CACNA2D3: variants seen among roughly 807,000 people sequenced by gnomAD.
CACNA2D3 encodes calcium voltage-gated channel auxiliary subunit alpha2delta 3.
CACNA2D3 carries 60 observed loss-of-function variants against 160.6 expected under a neutral mutation model. That is an observed-to-expected ratio of 0.37 (90% CI 0.30 to 0.46). The LOEUF (loss-of-function observed/expected upper bound fraction) is 0.46. CACNA2D3 is among the 20% of genes least tolerant of loss of function. The pLI is 1.00. For missense variants in CACNA2D3, 1,205 were observed against 1,365.0 expected, an observed-to-expected ratio of 0.88 and a Z score of 1.85; for synonymous variants, 558 against 492.9, an observed-to-expected ratio of 1.13 and a Z score of -1.75.
intron 11 of CACNA2D3, among the ~76,000 whole-genome samples, chr3:54,673,062 GGA>G (rs1304506184): frequency 6.6e-6 from 1 of 152,232 alleles, no homozygotes; most frequent in Non-Finnish European, 1.5e-5. Flanking sequence ...ATGGGCTTAG[GGA>G]GAGAGAGCTG....
chr3:54,123,382 C>G, intron 1 of CACNA2D3, 131 bp from the exon 2 acceptor site: 7 of 676,998 alleles, frequency 1.0e-5, no homozygotes, highest in East Asian at 2.8e-5. Context: ...CTTTTTCTAT[C>G]TTTTCTTCTT....
chr3:54,248,306 C>T (rs1377652015), intron 2 of CACNA2D3, among the ~76,000 whole-genome samples: 4 of 151,986 alleles, frequency 2.6e-5, no homozygotes, highest in Admixed American at 2.0e-4. Context: ...CATAGTGAAA[C>T]CCCGTCCCTA....
chr3:54,511,724 A>G (rs1381867943), intron 5 of CACNA2D3, among the ~76,000 whole-genome samples: 2 of 152,192 alleles, frequency 1.3e-5, no homozygotes, highest in Non-Finnish European at 1.5e-5. Flanking sequence ...GAGAGCAGGA[A>G]TGGTTACTAA....
At chr3:54,516,960 T>C (rs1409083203) in intron 5 of CACNA2D3, among the ~76,000 whole-genome samples, 3 of 151,970 alleles carry the variant, frequency 2.0e-5, no homozygotes, top group Non-Finnish European at 4.4e-5. Flanking sequence ...CCAGCACTAG[T>C]GAGATAGTGG....
At chr3:55,012,102 C>T (rs916416515) in intron 34 of CACNA2D3, among the ~76,000 whole-genome samples, 1 of 152,106 alleles carries the variant, frequency 6.6e-6, no homozygotes, top group African/African-American at 2.4e-5. Context: ...GTTAGGCACC[C>T]TGGGTAGCCT....
chr3:54,148,779 C>A (rs553738735), intron 2 of CACNA2D3, among the ~76,000 whole-genome samples: 6 of 151,914 alleles, frequency 3.9e-5, no homozygotes, highest in Non-Finnish European at 7.4e-5. Flanking sequence ...GAGTTTGAGA[C>A]CAGCCTGACC....
At chr3:54,233,486 C>T (rs186008706) in intron 2 of CACNA2D3, among the ~76,000 whole-genome samples, 17 of 152,282 alleles carry the variant, frequency 1.1e-4, no homozygotes, top group Non-Finnish European at 2.1e-4. Context: ...TGGATGCGTC[C>T]GAGCATATAT....
intron 2 of CACNA2D3, among the ~76,000 whole-genome samples, chr3:54,223,929 G>C (rs967080365): frequency 6.6e-6 from 1 of 151,180 alleles, no homozygotes; most frequent in Non-Finnish European, 1.5e-5. Flanking sequence ...CTTCTTAAAA[G>C]CTTAAATATT....
chr3:54,265,538 G>A (rs1195628178), intron 2 of CACNA2D3, among the ~76,000 whole-genome samples: 1 of 122,644 alleles, frequency 8.2e-6, no homozygotes, highest in African/African-American at 3.3e-5. Context: ...GTATGTGTGT[G>A]TGTGTGTGTG....
At chr3:54,719,016 C>A (rs986023574) in intron 11 of CACNA2D3, among the ~76,000 whole-genome samples, 1 of 151,912 alleles carries the variant, frequency 6.6e-6, no homozygotes, top group Admixed American at 6.6e-5. Flanking sequence ...TTGCCAAGTT[C>A]ACTTACTGAA....
chr3:54,244,955 C>T (rs4373099), intron 2 of CACNA2D3, among the ~76,000 whole-genome samples: 57,963 of 152,038 alleles, frequency 0.38, 11,190 homozygotes, highest in Middle Eastern at 0.4. Context: ...TATGCGGAAG[C>T]CAGAACAAGA....
rs1701600876 is a variant in CACNA2D3, at chr3:54,739,453, ACC to A, written c.1168-13145_1168-13144del. Among the ~76,000 whole-genome samples the A allele has an allele frequency of 2.8e-5, 4 of 143,140 alleles. No homozygotes were observed. In the South Asian group the frequency reaches 8.6e-4, roughly 31 times the overall value. The allele number at this position is 143,140 out of a possible 152,430, so 93.9% of individuals were successfully genotyped here. Reference sequence around the variant, plus strand: ...AAAAAAAAAAAAAACAAAAAAAAAAACCACACACACACACACACAAACAAAAA... The same window carrying A: ...AAAAAAAAAAAAAACAAAAAAAAAAAACACACACACACACACAAACAAAAA... On this transcript the variant is annotated intron_variant, in intron 11 of 37. Coordinates refer to ENST00000474759, the MANE Select transcript of CACNA2D3 (RefSeq NM_018398.3).
chr3:54,541,721 AG>A (rs1173437528), intron 5 of CACNA2D3, among the ~76,000 whole-genome samples: 2 of 152,218 alleles, frequency 1.3e-5, no homozygotes, highest in Non-Finnish European at 2.9e-5. Flanking sequence ...AAGATCATGA[AG>A]GATGAAGAAA....
chr3:54,611,409 A>C (rs748427728), intron 9 of CACNA2D3, among the ~76,000 whole-genome samples: 3 of 152,226 alleles, frequency 2.0e-5, no homozygotes, highest in Non-Finnish European at 4.4e-5. Context: ...CCACTTCCAA[A>C]GACTCAGACT....
chr3:54,205,457 T>C (rs1396833197), intron 2 of CACNA2D3, among the ~76,000 whole-genome samples: 2 of 152,154 alleles, frequency 1.3e-5, no homozygotes, highest in Admixed American at 6.5e-5. Context: ...GAAGGAAATA[T>C]AACTATGGCC....
chr3:54,208,746 C>CTT lies in CACNA2D3; in HGVS notation c.204+85161_204+85162dup, dbSNP rs35630668. 5.7e-3 allele frequency among the ~76,000 whole-genome samples: 860 copies of CTT among 149,860 alleles called. 4 individuals carry two copies. The highest frequency in any genetic ancestry group is 0.018 in the African/African-American group (740 of 40,776). Reference sequence around the variant, plus strand: ...ACTGTGTAGGTGGTCATTAAAAAACCTTTTTTTTTTCAATTATCACAATGT... The same window carrying CTT: ...ACTGTGTAGGTGGTCATTAAAAAACCTTTTTTTTTTTTCAATTATCACAATGT... On this transcript the variant is annotated intron_variant, in intron 2 of 37. Coordinates refer to ENST00000474759, the MANE Select transcript of CACNA2D3 (RefSeq NM_018398.3).
intron 27 of CACNA2D3, chr3:54,918,490 T>C (rs1207818345): frequency 6.2e-7 from 1 of 1,613,932 alleles, no homozygotes; most frequent in Admixed American, 1.7e-5. Context: ...TCGCTCTTTT[T>C]CTTCCACCTT....
chr3:54,984,277 C>T, intron 29 of CACNA2D3, among the ~76,000 whole-genome samples: 1 of 151,586 alleles, frequency 6.6e-6, no homozygotes, highest in Non-Finnish European at 1.5e-5. Context: ...CACTTTGTTC[C>T]TGGGAAATAT....
intron 31 of CACNA2D3, among the ~76,000 whole-genome samples, chr3:55,004,153 G>T (rs1295784321): frequency 6.6e-6 from 1 of 152,186 alleles, no homozygotes; most frequent in East Asian, 1.9e-4. Context: ...GGAAAAAAAT[G>T]TCCACCTTGT....
Sources: allele counts gnomAD v4.1 joint callset (sites outside exome capture counted in the v4.1 genomes callset), GRCh38; gene constraint gnomAD v4.1.1; transcripts MANE v1.5; gene names NCBI Gene and HGNC (gene_info 2026-07-23, HGNC 2026-07-21).